Variants in GRIA4 observed in about 807,000 individuals in gnomAD.
The protein encoded by GRIA4 is glutamate ionotropic receptor AMPA type subunit 4.
In GRIA4, 34 loss-of-function variants were observed where a neutral mutation model predicts 104.0. The observed-to-expected ratio is 0.33, with a 90% confidence interval of 0.25 to 0.44. The LOEUF (loss-of-function observed/expected upper bound fraction) is 0.44. Ranked by LOEUF, GRIA4 falls within the 20% of genes least tolerant of loss-of-function variation. GRIA4 has a pLI of 1.00. For missense variants in GRIA4, 750 were observed against 1,096.5 expected (o/e 0.68, Z 4.46); for synonymous variants, 386 against 381.9 (o/e 1.01, Z -0.13).
At chr11:105,931,472 G>C (rs1380967528) in intron 13 of GRIA4, among the ~76,000 whole-genome samples, 1 of 152,056 alleles carries the variant, frequency 6.6e-6, no homozygotes, top group Non-Finnish European at 1.5e-5. Flanking sequence ...GGGAGGCCGA[G>C]GCGGTGGATT....
At chr11:105,698,480 C>A (rs1415232495) in intron 3 of GRIA4, among the ~76,000 whole-genome samples, 4 of 152,250 alleles carry the variant, frequency 2.6e-5, no homozygotes, top group South Asian at 2.1e-4. Context: ...TATTAAAATT[C>A]TCTGGGCTAT....
intron 6 of GRIA4, among the ~76,000 whole-genome samples, chr11:105,895,932 A>G (rs1257661173): frequency 1.3e-5 from 2 of 152,242 alleles, no homozygotes; most frequent in Non-Finnish European, 2.9e-5. Flanking sequence ...CCCTTTGGGT[A>G]TATACCCAGT....
chr11:105,804,879 C>A (rs1942881410), intron 4 of GRIA4, among the ~76,000 whole-genome samples: 1 of 151,846 alleles, frequency 6.6e-6, no homozygotes. Flanking sequence ...TGGAACACAG[C>A]AGTTTGCCTT....
rs73632927 is a variant in GRIA4 at position 105,625,310 on chromosome 11, G to A, written c.247+12876G>A. 4.8e-3 allele frequency among the ~76,000 whole-genome samples: 729 copies of A among 152,138 alleles called. 12 individuals are homozygous for A. Among genetic ancestry groups the A allele is most frequent in the African/African-American group, 0.017 (706 of 41,514 alleles). On this transcript the variant is annotated intron_variant, in intron 3 of 16. Coordinates refer to ENST00000282499, the MANE Select transcript of GRIA4 (RefSeq NM_000829.4). ...GCAGACTGTTTGTTGGAGGAAGTAGGGGAGAAAGAGAGAGAAACTGTTTCT... is the reference window on the plus strand; with the variant it reads ...GCAGACTGTTTGTTGGAGGAAGTAGAGGAGAAAGAGAGAGAAACTGTTTCT...
At chr11:105,667,060 C>A (rs1262495516) in intron 3 of GRIA4, among the ~76,000 whole-genome samples, 3 of 151,866 alleles carry the variant, frequency 2.0e-5, no homozygotes, top group Admixed American at 2.0e-4. Context: ...TTCAAAATCA[C>A]AACATAACTA....
At chr11:105,712,331 TAA>T (rs139057894) in intron 3 of GRIA4, among the ~76,000 whole-genome samples, 9,854 of 151,998 alleles carry the variant, frequency 0.065, 365 homozygotes, top group South Asian at 0.17. Context: ...TCTCTGTGTA[TAA>T]AAAGAGAAAG....
chr11:105,634,475 AAG>A (rs1951137386), intron 3 of GRIA4, among the ~76,000 whole-genome samples: 1 of 51,884 alleles, frequency 1.9e-5, no homozygotes, highest in South Asian at 7.4e-4. Flanking sequence ...AAGGGAAAGA[AAG>A]AAAGAAAGAA....
chr11:105,748,376 T>C (rs1054153685), intron 3 of GRIA4, among the ~76,000 whole-genome samples: 2 of 97,042 alleles, frequency 2.1e-5, no homozygotes, highest in African/African-American at 4.2e-5. Flanking sequence ...ACAGAATCAC[T>C]TTTGTGATTT....
At chr11:105,903,528 TA>T (rs1276023613) in intron 7 of GRIA4, among the ~76,000 whole-genome samples, 1 of 152,220 alleles carries the variant, frequency 6.6e-6, no homozygotes, top group Non-Finnish European at 1.5e-5. Flanking sequence ...AGGCCTTGCC[TA>T]GGGGTCTTTC....
In GRIA4 at chr11:105,675,023, G is replaced by A. The variant is rs1017139581; in HGVS notation, c.247+62589G>A. ...ATGGAGAACATTTTTTAAGTACTAAGAGAGCTCCTTGGGGAAAAAGTTCTT... is the reference window on the plus strand; with the variant it reads ...ATGGAGAACATTTTTTAAGTACTAAAAGAGCTCCTTGGGGAAAAAGTTCTT... On this transcript the variant is annotated intron_variant, in intron 3 of 16. Coordinates refer to ENST00000282499, the MANE Select transcript of GRIA4 (RefSeq NM_000829.4). Among the ~76,000 whole-genome samples, 5 of 151,930 alleles carry A rather than the reference G, an allele frequency of 3.3e-5. No homozygotes were observed. The East Asian group carries it at 9.7e-4, about 29-fold the overall frequency.
intron 4 of GRIA4, among the ~76,000 whole-genome samples, chr11:105,858,373 C>CT (rs1945093809): frequency 6.6e-6 from 1 of 151,876 alleles, no homozygotes; most frequent in African/African-American, 2.4e-5. Context: ...TAAAAATGTT[C>CT]TTATAGGTAC....
chr11:105,959,797 T>TTTG (rs1284942175), intron 14 of GRIA4, among the ~76,000 whole-genome samples: 3 of 152,182 alleles, frequency 2.0e-5, no homozygotes, highest in African/African-American at 4.8e-5. Flanking sequence ...TGGGGGACTT[T>TTTG]TTGTTGTTGT....
intron 14 of GRIA4, among the ~76,000 whole-genome samples, chr11:105,944,877 C>T (rs912938757): frequency 1.3e-5 from 2 of 152,134 alleles, no homozygotes; most frequent in African/African-American, 4.8e-5. Flanking sequence ...ATTCATCCTG[C>T]CATTTCCCAT....
At chr11:105,830,980 A>G (rs1302583960) in intron 4 of GRIA4, among the ~76,000 whole-genome samples, 1 of 151,980 alleles carries the variant, frequency 6.6e-6, no homozygotes, top group Non-Finnish European at 1.5e-5. Context: ...GCACACACAC[A>G]CACACACACA....
rs535834201 is a variant in GRIA4, at chr11:105,955,738, A to G, written c.2295-16176A>G. On this transcript the variant is annotated intron_variant, in intron 14 of 16. Transcript: ENST00000282499. ...TAGACTAATTTAAATTCCCACCAAC[A>G]GTATAAAAGCATTCCTATTTCTCCA... Among the ~76,000 whole-genome samples, 4 of 152,316 alleles carry G rather than the reference A, an allele frequency of 2.6e-5. No homozygotes were observed. In the East Asian group the frequency reaches 7.7e-4, roughly 29 times the overall value.
chr11:105,910,149 G>A (rs1026353571), intron 9 of GRIA4, among the ~76,000 whole-genome samples: 5 of 152,040 alleles, frequency 3.3e-5, no homozygotes, highest in Admixed American at 1.3e-4. Context: ...ATAATGCACC[G>A]TGCTCATATT....
intron 4 of GRIA4, among the ~76,000 whole-genome samples, chr11:105,755,173 CTTA>C (rs905711498): frequency 7.2e-5 from 11 of 151,906 alleles, no homozygotes; most frequent in African/African-American, 2.7e-4. Context: ...AGAGATAGAT[CTTA>C]TTATTTTATT....
intron 14 of GRIA4, among the ~76,000 whole-genome samples, chr11:105,947,271 G>T (rs577668186): frequency 6.6e-6 from 1 of 152,044 alleles, no homozygotes; most frequent in Non-Finnish European, 1.5e-5. Context: ...TTAATGAAAA[G>T]TACAGGATAT....
At chr11:105,618,517 TA>T (rs1478246337) in intron 3 of GRIA4, among the ~76,000 whole-genome samples, 2 of 151,858 alleles carry the variant, frequency 1.3e-5, no homozygotes, top group Non-Finnish European at 1.5e-5. Flanking sequence ...GTGGTAAAAA[TA>T]AAAGATGTTT....
Sources: allele counts gnomAD v4.1 joint callset (sites outside exome capture counted in the v4.1 genomes callset), GRCh38; gene constraint gnomAD v4.1.1; transcripts MANE v1.5; gene names NCBI Gene and HGNC (gene_info 2026-07-23, HGNC 2026-07-21).